Variants in FBXL7 observed in about 807,000 individuals in gnomAD.
FBXL7 encodes the protein F-box/LRR-repeat protein 7.
In FBXL7, 12 loss-of-function variants were observed where a neutral mutation model predicts 38.3. That is an observed-to-expected ratio of 0.31 (90% CI 0.20 to 0.51). The LOEUF (loss-of-function observed/expected upper bound fraction) is 0.51. Ranked by LOEUF, FBXL7 falls within the 20% of genes least tolerant of loss-of-function variation. FBXL7 has a pLI of 0.98. For synonymous variants in FBXL7, 297 were observed against 300.9 expected (o/e 0.99, Z 0.13); for missense variants, 567 against 676.4 (o/e 0.84, Z 1.79).
chr5:15,819,521 C>T (rs1738113394), intron 2 of FBXL7, among the ~76,000 whole-genome samples: 1 of 152,140 alleles, frequency 6.6e-6, no homozygotes, highest in Non-Finnish European at 1.5e-5. Context: ...ATTTAAAAAA[C>T]TGGAGACAAA....
At chr5:15,501,529 T>A in intron 1 of FBXL7, 3 of 985,512 alleles carry the variant, frequency 3.0e-6, no homozygotes, top group Non-Finnish European at 3.6e-6. Flanking sequence ...TTAAGAAGGT[T>A]TGTGTCTAGT....
intron 3 of FBXL7, among the ~76,000 whole-genome samples, chr5:15,930,363 A>G (rs150493069): frequency 2.4e-3 from 367 of 152,288 alleles, no homozygotes; most frequent in Middle Eastern, 0.014. Context: ...TAAGAATTGG[A>G]GCATTTTATA....
intron 2 of FBXL7, among the ~76,000 whole-genome samples, chr5:15,763,927 G>C (rs969569445): frequency 4.6e-5 from 7 of 152,168 alleles, no homozygotes; most frequent in Non-Finnish European, 8.8e-5. Flanking sequence ...TTTAGTCTGA[G>C]TCAAAGGCCT....
chr5:15,655,877 A>G (rs114692602), intron 2 of FBXL7, among the ~76,000 whole-genome samples: 1 of 152,218 alleles, frequency 6.6e-6, no homozygotes, highest in Admixed American at 6.5e-5. Context: ...TGCTGCAAAC[A>G]CAGTACTGTT....
intron 2 of FBXL7, among the ~76,000 whole-genome samples, chr5:15,906,040 T>C (rs1339700543): frequency 1.3e-5 from 2 of 152,100 alleles, no homozygotes; most frequent in Non-Finnish European, 2.9e-5. Context: ...TATTTTATGA[T>C]TGAGTTATAA....
intron 1 of FBXL7, among the ~76,000 whole-genome samples, chr5:15,526,183 A>C (rs979656882): frequency 2.0e-5 from 3 of 152,082 alleles, no homozygotes; most frequent in African/African-American, 4.8e-5. Flanking sequence ...CAGGATGAGC[A>C]ACATTTCCTG....
At chr5:15,580,101 T>TA (rs1268926487) in intron 1 of FBXL7, among the ~76,000 whole-genome samples, 4 of 152,034 alleles carry the variant, frequency 2.6e-5, no homozygotes, top group East Asian at 1.9e-4. Context: ...TAATTAGCGT[T>TA]AAAAAAGTTC....
chr5:15,671,618 C>G (rs1035389952), intron 2 of FBXL7, among the ~76,000 whole-genome samples: 5 of 152,208 alleles, frequency 3.3e-5, no homozygotes, highest in Non-Finnish European at 5.9e-5. Flanking sequence ...ACTAATTCCT[C>G]TCTGCCTCAG....
chr5:15,837,678 T>C (rs1025090336), intron 2 of FBXL7, among the ~76,000 whole-genome samples: 1 of 152,138 alleles, frequency 6.6e-6, no homozygotes, highest in African/African-American at 2.4e-5. Flanking sequence ...ATTCTTAGTA[T>C]GTTTAGTGTT....
At chr5:15,934,405 T>A (rs972376310) in intron 3 of FBXL7, among the ~76,000 whole-genome samples, 1 of 152,250 alleles carries the variant, frequency 6.6e-6, no homozygotes, top group African/African-American at 2.4e-5. Flanking sequence ...ATAAGTATAC[T>A]GTACGTGTTT....
intron 2 of FBXL7, among the ~76,000 whole-genome samples, chr5:15,714,858 A>AG (rs1196970799): frequency 1.3e-5 from 2 of 151,370 alleles, no homozygotes; most frequent in Non-Finnish European, 2.9e-5. Flanking sequence ...CAAAAAAAAA[A>AG]AAAAAAAAAA....
chr5:15,725,907 T>C (rs745771488), intron 2 of FBXL7, among the ~76,000 whole-genome samples: 2 of 152,208 alleles, frequency 1.3e-5, no homozygotes, highest in African/African-American at 2.4e-5. Flanking sequence ...GTTGTTTAAG[T>C]TCTCTATTTA....
At chr5:15,802,133 C>T (rs954302661) in intron 2 of FBXL7, among the ~76,000 whole-genome samples, 1 of 152,134 alleles carries the variant, frequency 6.6e-6, no homozygotes, top group African/African-American at 2.4e-5. Context: ...CAAAATCTAT[C>T]TTGGATCTTA....
intron 1 of FBXL7, among the ~76,000 whole-genome samples, chr5:15,503,760 T>G (rs890435833): frequency 6.6e-5 from 10 of 152,234 alleles, no homozygotes; most frequent in South Asian, 2.1e-4. Context: ...AATAGATAGC[T>G]CGACTATAAA....
In FBXL7 at chr5:15,702,443, G is replaced by C. The variant is rs116788193; in HGVS notation, c.127+86371G>C. On this transcript the variant is annotated intron_variant, in intron 2 of 3. Coordinates refer to ENST00000504595, the MANE Select transcript of FBXL7 (RefSeq NM_012304.5). Reference sequence around the variant, plus strand: ...ACAAACATAATGGAGCCAGTATTGAGTGTCTGGGAGAACTACAGGAGCCAC... The same window carrying C: ...ACAAACATAATGGAGCCAGTATTGACTGTCTGGGAGAACTACAGGAGCCAC... Among the ~76,000 whole-genome samples the C allele has an allele frequency of 4.2e-3, 634 of 152,282 alleles. 4 individuals are homozygous for C. Among genetic ancestry groups the C allele is most frequent in the African/African-American group, 0.015 (610 of 41,556 alleles).
intron 2 of FBXL7, among the ~76,000 whole-genome samples, chr5:15,743,301 C>A (rs928068880): frequency 4.6e-5 from 7 of 152,186 alleles, no homozygotes; most frequent in Admixed American, 3.9e-4. Flanking sequence ...TTCCTAGATA[C>A]AATAGGGGTG....
chr5:15,756,776 G>C (rs568501059), intron 2 of FBXL7, among the ~76,000 whole-genome samples: 4 of 152,228 alleles, frequency 2.6e-5, no homozygotes, highest in South Asian at 2.1e-4. Flanking sequence ...GGTTCCGTCT[G>C]CTTTGTCCTC....
chr5:15,732,458 T>TC (rs1400833348), intron 2 of FBXL7, among the ~76,000 whole-genome samples: 4 of 152,214 alleles, frequency 2.6e-5, no homozygotes, highest in South Asian at 2.1e-4. Flanking sequence ...TTCTTTTTTT[T>TC]CCCTCTCTTT....
At chr5:15,568,943 G>A (rs891100628) in intron 1 of FBXL7, among the ~76,000 whole-genome samples, 7 of 152,068 alleles carry the variant, frequency 4.6e-5, no homozygotes, top group African/African-American at 1.7e-4. Context: ...TGTTCCATTG[G>A]TCTATATCTC....
Sources: gnomAD v4.1 joint callset for allele counts (sites outside exome capture counted in the v4.1 genomes callset) on GRCh38, gnomAD v4.1.1 for gene constraint, MANE v1.5 for transcripts, NCBI Gene and HGNC (gene_info 2026-07-23, HGNC 2026-07-21) for gene names.